Variants in CHKA observed in about 807,000 individuals in gnomAD.
CHKA encodes CHETK-alpha.
In CHKA, 34 loss-of-function variants were observed where a neutral mutation model predicts 60.1. The ratio of observed to expected loss-of-function variants is 0.57; its 90% CI spans 0.43 to 0.75. The LOEUF is 0.75. CHKA is among the 30% of genes least tolerant of loss of function. The pLI, the probability that CHKA is intolerant of heterozygous loss-of-function variation, is 0.00. For missense variants in CHKA, 563 were observed against 561.3 expected, an observed-to-expected ratio of 1.00 and a Z score of -0.03; for synonymous variants, 217 against 223.1, an observed-to-expected ratio of 0.97 and a Z score of 0.24.
chr11:68,107,555 C>A (rs766117032), intron 1 of CHKA, among the ~76,000 whole-genome samples: 17 of 152,110 alleles, frequency 1.1e-4, no homozygotes, highest in Non-Finnish European at 1.9e-4. Context: ...CTCCCAAATT[C>A]TCTCCTCCTT....
chr11:68,070,324 C>CA, intron 5 of CHKA, 31 bp from the exon 6 acceptor site: 1 of 1,410,872 alleles, frequency 7.1e-7, no homozygotes, highest in Non-Finnish European at 1.0e-6. Context: ...AAGAACAGAA[C>CA]AAAGAATCAC....
intron 1 of CHKA, among the ~76,000 whole-genome samples, chr11:68,115,713 T>C (rs73507250): frequency 0.022 from 3,414 of 151,902 alleles, 126 homozygotes; most frequent in African/African-American, 0.078. Flanking sequence ...AAAAATATAG[T>C]GTATTAGTTT....
At chr11:68,077,739 T>C (rs2134574300) in intron 3 of CHKA, among the ~76,000 whole-genome samples, 1 of 152,202 alleles carries the variant, frequency 6.6e-6, no homozygotes, top group Middle Eastern at 3.4e-3. Flanking sequence ...AGCTATGGAC[T>C]GGGCTCACTG....
At chr11:68,062,156 C>A in intron 10 of CHKA, 122 bp from the exon 11 acceptor site, 1 of 687,740 alleles carries the variant, frequency 1.5e-6, no homozygotes, top group Non-Finnish European at 2.5e-6. Context: ...TTAGTGTTGG[C>A]AAATCATGGG....
intron 1 of CHKA, among the ~76,000 whole-genome samples, chr11:68,120,621 C>G (rs1250337335): frequency 6.6e-6 from 1 of 152,220 alleles, no homozygotes; most frequent in African/African-American, 2.4e-5. Flanking sequence ...CGGCCTGCGG[C>G]GGCCGCGAAC....
chr11:68,053,350 C>T lies in CHKA; in HGVS notation c.*638G>A, dbSNP rs1855871257. On this transcript the variant is annotated 3_prime_UTR_variant, in exon 12 of 12. Transcript: ENST00000265689. ...TACAGTGAAACTCATCAGTGTCACA[C>T]ACGCCCAGCAGGAGGGGAGAGCTCT... The T allele has an allele frequency of 2.0e-5, 3 of 152,662 alleles. No individual in the cohort carries two copies. Among genetic ancestry groups the T allele is most frequent in the African/African-American group, 7.2e-5 (3 of 41,458 alleles). The allele number at this position is 152,662 out of a possible 1,614,324, so 9.5% of individuals were successfully genotyped here.
At chr11:68,060,030 C>CTTTTTTTTTTTTT (rs1273937830) in intron 11 of CHKA, among the ~76,000 whole-genome samples, 1 of 104,846 alleles carries the variant, frequency 9.5e-6, no homozygotes, top group Non-Finnish European at 2.1e-5. Flanking sequence ...TAGAGTTTCA[C>CTTTTTTTTTTTTT]TCTTTTTTTT....
At chr11:68,116,439 C>T (rs1015245208) in intron 1 of CHKA, among the ~76,000 whole-genome samples, 3 of 152,014 alleles carry the variant, frequency 2.0e-5, no homozygotes, top group Admixed American at 6.6e-5. Flanking sequence ...GGTAGCCAGG[C>T]GTGGTGGCTC....
At chr11:68,102,385 A>T (rs1857759074) in intron 1 of CHKA, among the ~76,000 whole-genome samples, 1 of 152,198 alleles carries the variant, frequency 6.6e-6, no homozygotes, top group African/African-American at 2.4e-5. Flanking sequence ...ACAGAATAAA[A>T]GCCCACAAAT....
At position 68,053,949 on chromosome 11, in the gene CHKA, T is replaced by C. The variant is rs777500631; in HGVS notation, c.*39A>G. ...GGGACCCCGCTCTGCTGCCTCCCCA[T>C]GCAGTCCAGTGATGAGGTGGATGGA... On this transcript the variant is annotated 3_prime_UTR_variant, in exon 12 of 12. Transcript: ENST00000265689. 1 of 1,592,296 alleles carries C rather than the reference T, an allele frequency of 6.3e-7. No homozygotes were observed. The highest frequency in any genetic ancestry group is 8.6e-7 in the Non-Finnish European group (1 of 1,161,850).
intron 3 of CHKA, among the ~76,000 whole-genome samples, chr11:68,079,796 A>G (rs1056215861): frequency 2.1e-4 from 32 of 152,322 alleles, no homozygotes; most frequent in African/African-American, 7.5e-4. Flanking sequence ...ACTGCTAGCC[A>G]ATGGCATTAG....
intron 6 of CHKA, 48 bp from the exon 7 acceptor site, chr11:68,068,985 GCA>G (rs763507126): frequency 8.9e-6 from 13 of 1,458,874 alleles, no homozygotes; most frequent in Middle Eastern, 1.7e-4. Flanking sequence ...TCAGTCAGCT[GCA>G]CACAGTCTTG....
chr11:68,101,972 C>T (rs1252831172), intron 1 of CHKA, among the ~76,000 whole-genome samples: 1 of 151,652 alleles, frequency 6.6e-6, no homozygotes, highest in Non-Finnish European at 1.5e-5. Context: ...TGGTGGTGGG[C>T]GCCTGTAATC....
rs571281443 is a variant in CHKA at position 68,086,267 on chromosome 11, T to A, written c.463-4810A>T. ...AGGCCGAGGTTGCAGTGAGCCAAGA[T>A]CGCGCCACTGCACCCCAGCCTGGCG... is the stretch of plus-strand genomic sequence containing the variant. On this transcript the variant is annotated intron_variant, in intron 2 of 11. Coordinates refer to ENST00000265689, the MANE Select transcript of CHKA (RefSeq NM_001277.3). Among the ~76,000 whole-genome samples, 8 of 152,116 alleles carry A rather than the reference T, an allele frequency of 5.3e-5. No individual in the cohort carries two copies. The East Asian group carries it at 1.4e-3, about 26-fold the overall frequency.
chr11:68,070,810 T>C lies in CHKA; in HGVS notation c.678A>G (p.Ala226=). The stretch of plus-strand genomic sequence containing the variant: ...ATGTAGCCATTTTCTCGGCGATTTC[T>C]GCAGAAATATCTGGCAAACTTAATT... ...TEELSLPDIS[A]EIAEKMATFH... is the part of the protein sequence containing the mutation. Residue 226 remains alanine, a synonymous_variant, in exon 5 of 12, where the codon GCA becomes GCG. Coordinates refer to ENST00000265689, the MANE Select transcript of CHKA (RefSeq NM_001277.3). The C allele has an allele frequency of 1.9e-6, 3 of 1,613,166 alleles. No homozygotes were observed. The highest frequency in any genetic ancestry group is 1.1e-5 in the South Asian group (1 of 91,068).
intron 8 of CHKA, among the ~76,000 whole-genome samples, 156 bp from the exon 9 acceptor site, chr11:68,066,050 G>A (rs1038043947): frequency 2.6e-4 from 39 of 152,312 alleles, no homozygotes; most frequent in African/African-American, 8.7e-4. Context: ...TTTAATGACA[G>A]AGAGAGACAA....
At chr11:68,093,284 G>A (rs67569920) in intron 2 of CHKA, among the ~76,000 whole-genome samples, 3,959 of 152,268 alleles carry the variant, frequency 0.026, 69 homozygotes, top group Non-Finnish European at 0.043. Flanking sequence ...ACAGGAGTGA[G>A]CCACCATGAC....
intron 1 of CHKA, among the ~76,000 whole-genome samples, chr11:68,106,243 G>T (rs1857911027): frequency 6.6e-6 from 1 of 152,116 alleles, no homozygotes; most frequent in South Asian, 2.1e-4. Context: ...AAGCCAGGAG[G>T]TACCATTAAA....
At chr11:68,074,012 T>C (rs908288173) in intron 4 of CHKA, among the ~76,000 whole-genome samples, 6 of 151,812 alleles carry the variant, frequency 4.0e-5, no homozygotes, top group Non-Finnish European at 4.4e-5. Flanking sequence ...ACACTTAGGG[T>C]TCATGAGAAC....
Sources: gnomAD v4.1 joint callset for allele counts (sites outside exome capture counted in the v4.1 genomes callset) on GRCh38, gnomAD v4.1.1 for gene constraint, MANE v1.5 for transcripts, NCBI Gene and HGNC (gene_info 2026-07-23, HGNC 2026-07-21) for gene names.